UGT2A1: variants seen among roughly 807,000 people sequenced by gnomAD.
UGT2A1 encodes UDP glucuronosyltransferase family 2 member A1 complex locus, also known as UDP-glucuronosyltransferase 2A1.
Under a neutral mutation model 45.4 loss-of-function variants are expected in UGT2A1, and 61 were observed. That is an observed-to-expected ratio of 1.34 (90% CI 1.09 to 1.66). The LOEUF (loss-of-function observed/expected upper bound fraction) is 1.66. UGT2A1 is among the 40% of genes most tolerant of loss of function. The pLI is 0.00. For missense variants in UGT2A1, 649 were observed against 574.3 expected, an observed-to-expected ratio of 1.13 and a Z score of -1.33; for synonymous variants, 229 against 196.2, an observed-to-expected ratio of 1.17 and a Z score of -1.40.
intron 3 of UGT2A1, among the ~76,000 whole-genome samples, chr4:69,609,041 T>C (rs893009293): frequency 6.6e-6 from 1 of 152,098 alleles, no homozygotes. Context: ...TCCATTAAAT[T>C]TAAAATCTAC....
intron 3 of UGT2A1, among the ~76,000 whole-genome samples, chr4:69,620,079 A>G (rs957639017): frequency 6.6e-6 from 1 of 152,068 alleles, no homozygotes; most frequent in African/African-American, 2.4e-5. Flanking sequence ...TGGCAAAGAC[A>G]AGTATGCCCT....
At chr4:69,599,511 C>G in intron 3 of UGT2A1, 117 bp from the exon 4 acceptor site, 2 of 1,403,670 alleles carry the variant, frequency 1.4e-6, no homozygotes, top group Non-Finnish European at 1.9e-6. Flanking sequence ...ATTAGGTCTT[C>G]TAGAATACTT....
chr4:69,632,945 G>A (rs1471586922), intron 3 of UGT2A1, among the ~76,000 whole-genome samples: 3 of 151,672 alleles, frequency 2.0e-5, no homozygotes, highest in African/African-American at 7.3e-5. Flanking sequence ...CAAGGAATAC[G>A]TTATGCACTA....
At chr4:69,642,111 T>C (rs2109973555) in intron 2 of UGT2A1, among the ~76,000 whole-genome samples, 1 of 151,856 alleles carries the variant, frequency 6.6e-6, no homozygotes, top group African/African-American at 2.4e-5. Flanking sequence ...AATTTACAAA[T>C]TATTTATTTT....
intron 3 of UGT2A1, among the ~76,000 whole-genome samples, chr4:69,627,548 A>AAGAG (rs780406424): frequency 3.2e-4 from 20 of 62,652 alleles, no homozygotes; most frequent in Non-Finnish European, 6.4e-4. Flanking sequence ...GAGAGAGAGA[A>AAGAG]AGAGAGAGAG....
chr4:69,600,253 G>C (rs187912559), intron 3 of UGT2A1, among the ~76,000 whole-genome samples: 1 of 152,290 alleles, frequency 6.6e-6, no homozygotes, highest in East Asian at 1.9e-4. Flanking sequence ...TTAGTGAGCA[G>C]TGGGAAACAC....
At chr4:69,652,282 C>CTCTTT (rs1722562715) in intron 1 of UGT2A1, among the ~76,000 whole-genome samples, 2 of 120,004 alleles carry the variant, frequency 1.7e-5, no homozygotes, top group Non-Finnish European at 3.3e-5. Context: ...ACTTTATGTC[C>CTCTTT]TTTTTTTTTT....
At chr4:69,614,044 AT>A (rs1244131892) in intron 3 of UGT2A1, among the ~76,000 whole-genome samples, 45 of 152,028 alleles carry the variant, frequency 3.0e-4, no homozygotes, top group African/African-American at 1.0e-3. Flanking sequence ...AATTATTCTT[AT>A]TTACAAAAAA....
Position 69,647,389 on chromosome 4 carries a change from C to T in UGT2A1, c.256G>A (p.Val86Ile). 1 of 1,613,182 alleles carries T rather than the reference C, an allele frequency of 6.2e-7. No homozygotes were observed. Among genetic ancestry groups the T allele is most frequent in the Non-Finnish European group, 8.5e-7 (1 of 1,179,458 alleles). The change falls in exon 2 of 7, where the codon GTA becomes ATA. Residue 86 changes from valine (V) to isoleucine (I), a missense_variant. By Grantham distance (29) the Val-to-Ile change is conservative. Transcript: ENST00000286604. ...CATGTCAAAACGAAGTCCTTAATTA[C>T]TCCTTCTATTCTTTCTTTGCCAAAG... ...VPFGKERIEG[V>I]IKDFVLTWLE...
chr4:69,642,802 A>T (rs1275758341), intron 2 of UGT2A1, among the ~76,000 whole-genome samples: 2 of 151,568 alleles, frequency 1.3e-5, no homozygotes, highest in Non-Finnish European at 3.0e-5. Flanking sequence ...ATATATAGAG[A>T]TTATTCACAA....
At chr4:69,617,592 G>A (rs1720478581) in intron 3 of UGT2A1, among the ~76,000 whole-genome samples, 1 of 151,652 alleles carries the variant, frequency 6.6e-6, no homozygotes, top group African/African-American at 2.4e-5. Flanking sequence ...TCAAATTAGG[G>A]CTAGTGCTAT....
intron 2 of UGT2A1, among the ~76,000 whole-genome samples, chr4:69,646,459 G>C (rs1722263286): frequency 6.6e-6 from 1 of 151,752 alleles, no homozygotes; most frequent in Admixed American, 6.6e-5. Flanking sequence ...AAGCCTTAAT[G>C]TATTTTGTTT....
intron 6 of UGT2A1, among the ~76,000 whole-genome samples, chr4:69,594,253 C>T (rs946043189): frequency 2.6e-5 from 4 of 152,072 alleles, no homozygotes; most frequent in Non-Finnish European, 5.9e-5. Context: ...GGATTACAAG[C>T]TTGAGCCACT....
rs1718823501 is a variant in UGT2A1, at chr4:69,594,837, TG to T, written c.1085-142del. 4.5e-6 allele frequency: 5 copies of T among 1,101,556 alleles called. No individual in the cohort carries two copies. In the East Asian group the frequency reaches 1.3e-4, roughly 28 times the overall value. 68.2% of individuals were successfully genotyped at this position (1,101,556 alleles called of 1,614,324 possible). On this transcript the variant is annotated intron_variant, in intron 5 of 6. Coordinates refer to ENST00000286604, the MANE Select transcript of UGT2A1 (RefSeq NM_001252275.3). ...TACAAAAGCAGATCACATAGGGCAT[TG>T]GAATGTCAGAAAACTGTGATCCCAG...
intron 6 of UGT2A1, among the ~76,000 whole-genome samples, chr4:69,593,967 C>CTTTTTTTTTTTTTTTTTTTTTTTT (rs200066453): frequency 2.8e-5 from 3 of 107,818 alleles, no homozygotes; most frequent in African/African-American, 3.5e-5. Context: ...TATTTGAAGT[C>CTTTTTTTTTTTTTTTTTTTTTTTT]TTTTTTTTTG....
chr4:69,652,512 C>A (rs1722580676), intron 1 of UGT2A1, among the ~76,000 whole-genome samples: 1 of 151,858 alleles, frequency 6.6e-6, no homozygotes, highest in African/African-American at 2.4e-5. Context: ...CAGAGGTGAT[C>A]CACCCTCCTC....
intron 3 of UGT2A1, among the ~76,000 whole-genome samples, chr4:69,616,934 G>T (rs1181652246): frequency 6.7e-6 from 1 of 148,192 alleles, no homozygotes; most frequent in African/African-American, 2.5e-5. Context: ...ATGGAGGAAA[G>T]AAATATCTGC....
rs1385991559 is a variant in UGT2A1, at chr4:69,589,197, T to G, written c.*175A>C. 1.2e-6 allele frequency: 1 copy of G among 803,196 alleles called. No individual in the cohort carries two copies. The highest frequency in any genetic ancestry group is 1.8e-6 in the Non-Finnish European group (1 of 563,776). 49.8% of individuals were successfully genotyped at this position (803,196 alleles called of 1,614,324 possible). ...ACTATAACTCACAAGTTAATAATAA[T>G]CATGCCAAAATCTAGGCTTTATCAG... On this transcript the variant is annotated 3_prime_UTR_variant, in exon 7 of 7. Coordinates refer to ENST00000286604, the MANE Select transcript of UGT2A1 (RefSeq NM_001252275.3).
intron 6 of UGT2A1, among the ~76,000 whole-genome samples, chr4:69,593,547 T>G (rs2109877484): frequency 6.7e-6 from 1 of 149,860 alleles, no homozygotes; most frequent in African/African-American, 2.4e-5. Flanking sequence ...TCTACTAAGC[T>G]ATATATATAG....
Sources: gnomAD v4.1 joint callset for allele counts (sites outside exome capture counted in the v4.1 genomes callset) on GRCh38, gnomAD v4.1.1 for gene constraint, MANE v1.5 for transcripts, NCBI Gene and HGNC (gene_info 2026-07-23, HGNC 2026-07-21) for gene names.